Variants in GRID2 observed in about 807,000 individuals in gnomAD.
GRID2 encodes glutamate ionotropic receptor delta type subunit 2, also known as glutamate receptor ionotropic, delta-2.
In GRID2, 33 loss-of-function variants were observed where a neutral mutation model predicts 114.8. The observed-to-expected ratio is 0.29, with a 90% confidence interval of 0.22 to 0.38. The LOEUF (loss-of-function observed/expected upper bound fraction) is 0.38, where lower values mean the gene tolerates loss of function less well. Among genes scored for constraint, GRID2 ranks in the 10% least tolerant of loss-of-function variants. GRID2 has a pLI of 1.00. For missense variants in GRID2, 1,184 were observed against 1,257.7 expected, an observed-to-expected ratio of 0.94 and a Z score of 0.89; for synonymous variants, 505 against 449.9, an observed-to-expected ratio of 1.12 and a Z score of -1.55.
At position 92,463,626 on chromosome 4, in the gene GRID2, T is replaced by C. The variant is rs547754083; in HGVS notation, c.89-126505T>C. ...TTCACTGAAATTGTCAACAGTGATTTACAAAAATAAACTGAAGGGCACTGT... is the reference window on the plus strand; with the variant it reads ...TTCACTGAAATTGTCAACAGTGATTCACAAAAATAAACTGAAGGGCACTGT... On this transcript the variant is annotated intron_variant, in intron 1 of 15. Transcript: ENST00000282020. 3.3e-5 allele frequency among the ~76,000 whole-genome samples: 5 copies of C among 152,154 alleles called. No homozygotes were observed. The South Asian group carries it at 1.0e-3, about 32-fold the overall frequency.
At chr4:92,731,892 G>A (rs926857417) in intron 2 of GRID2, among the ~76,000 whole-genome samples, 6 of 151,896 alleles carry the variant, frequency 4.0e-5, no homozygotes, top group Admixed American at 3.3e-4. Context: ...ATTGAAAGGA[G>A]TGTTTGAAAT....
rs998023020 is a variant in GRID2, at chr4:92,950,620, C to A, written c.245-134375C>A. Among the ~76,000 whole-genome samples, 3 of 152,138 alleles carry A rather than the reference C, an allele frequency of 2.0e-5. No homozygotes were observed. In the East Asian group the frequency reaches 5.8e-4, roughly 29 times the overall value. On this transcript the variant is annotated intron_variant, in intron 2 of 15. Transcript: ENST00000282020. ...GTCACAGATAGTTCTTCATAGCATGCTTCTTCTCACAGTGGTACCAACGAA... is the reference window on the plus strand; with the variant it reads ...GTCACAGATAGTTCTTCATAGCATGATTCTTCTCACAGTGGTACCAACGAA...
rs148701472 is a variant in GRID2, at chr4:92,371,255, T to C, written c.88+66511T>C. On this transcript the variant is annotated intron_variant, in intron 1 of 15. Transcript: ENST00000282020. ...CAGAAGACATAGCTAAAATAATTTA[T>C]GAAGGAGGCTACACTAAACAAGAGA... Among the ~76,000 whole-genome samples the C allele has an allele frequency of 3.3e-5, 5 of 152,282 alleles. No individual in the cohort carries two copies. In the East Asian group the frequency reaches 9.7e-4, roughly 29 times the overall value.
intron 13 of GRID2, among the ~76,000 whole-genome samples, chr4:93,558,717 C>T (rs1490094989): frequency 1.3e-5 from 2 of 152,160 alleles, no homozygotes; most frequent in Non-Finnish European, 2.9e-5. Flanking sequence ...ACGAGGGAAT[C>T]CTCCCTGACT....
At chr4:93,735,852 T>C (rs10027650) in intron 14 of GRID2, among the ~76,000 whole-genome samples, 1 of 152,064 alleles carries the variant, frequency 6.6e-6, no homozygotes, top group Non-Finnish European at 1.5e-5. Context: ...TTCTGTTTTG[T>C]TATTGTTGAT....
At chr4:92,551,504 T>C (rs1201083249) in intron 1 of GRID2, among the ~76,000 whole-genome samples, 2 of 152,170 alleles carry the variant, frequency 1.3e-5, no homozygotes, top group African/African-American at 4.8e-5. Context: ...ATATCTGCCT[T>C]ATCTCAGAGA....
At chr4:92,593,224 GTAA>G (rs1728788110) in intron 2 of GRID2, among the ~76,000 whole-genome samples, 1 of 151,980 alleles carries the variant, frequency 6.6e-6, no homozygotes, top group African/African-American at 2.4e-5. Context: ...CATATAGATA[GTAA>G]TAATGACAAA....
chr4:93,342,777 TCTTAA>T (rs1173398652), intron 8 of GRID2, among the ~76,000 whole-genome samples: 7 of 152,202 alleles, frequency 4.6e-5, no homozygotes, highest in Non-Finnish European at 1.0e-4. Flanking sequence ...TATGTTTCCT[TCTTAA>T]CTTGTGTATT....
intron 10 of GRID2, among the ~76,000 whole-genome samples, chr4:93,424,036 A>G (rs1295900939): frequency 2.0e-5 from 3 of 152,134 alleles, no homozygotes; most frequent in Non-Finnish European, 4.4e-5. Context: ...TTAACTTACT[A>G]CATTCTATCT....
intron 1 of GRID2, among the ~76,000 whole-genome samples, chr4:92,528,122 A>G (rs922273561): frequency 1.8e-4 from 27 of 151,992 alleles, no homozygotes; most frequent in Non-Finnish European, 4.4e-5. Context: ...AGATAGCATC[A>G]TCAAAATTAC....
At chr4:93,423,691 T>G (rs1183376784) in intron 10 of GRID2, among the ~76,000 whole-genome samples, 1 of 152,176 alleles carries the variant, frequency 6.6e-6, no homozygotes, top group Admixed American at 6.5e-5. Context: ...TATTTTTCTT[T>G]GTTCTTTCAA....
At position 92,474,027 on chromosome 4, in the gene GRID2, G is replaced by C. The variant is rs188120394; in HGVS notation, c.89-116104G>C. The stretch of plus-strand genomic sequence containing the variant: ...GTGTACGTATGCGATGACAACAACT[G>C]AGAACTTAAGGTCTATTCTCTTAGC... On this transcript the variant is annotated intron_variant, in intron 1 of 15. Coordinates refer to ENST00000282020, the MANE Select transcript of GRID2 (RefSeq NM_001510.4). Among the ~76,000 whole-genome samples, 3 of 150,276 alleles carry C rather than the reference G, an allele frequency of 2.0e-5. No homozygotes were observed. In the East Asian group the frequency reaches 6.0e-4, roughly 30 times the overall value.
intron 2 of GRID2, among the ~76,000 whole-genome samples, chr4:92,839,616 G>A (rs1306797396): frequency 6.6e-6 from 1 of 151,668 alleles, no homozygotes; most frequent in Non-Finnish European, 1.5e-5. Flanking sequence ...TAATTTCCAT[G>A]TGTTTGTATA....
chr4:92,320,473 C>CT (rs1189855848), intron 1 of GRID2, among the ~76,000 whole-genome samples: 2 of 151,984 alleles, frequency 1.3e-5, no homozygotes, highest in Admixed American at 6.6e-5. Context: ...ATATTACCTA[C>CT]TTTTTTTTCT....
At chr4:92,822,340 A>G (rs990180534) in intron 2 of GRID2, 60 of 628,126 alleles carry the variant, frequency 9.6e-5, no homozygotes, top group Middle Eastern at 2.9e-4. Flanking sequence ...AGACAGTCAC[A>G]GTGTTCAGAT....
chr4:92,307,408 T>C (rs1725464277), intron 1 of GRID2, among the ~76,000 whole-genome samples: 3 of 152,098 alleles, frequency 2.0e-5, no homozygotes, highest in Admixed American at 2.0e-4. Context: ...AGCTGCAATA[T>C]GTAGTTCAGG....
At chr4:92,555,089 C>G (rs558215166) in intron 1 of GRID2, among the ~76,000 whole-genome samples, 2 of 152,180 alleles carry the variant, frequency 1.3e-5, no homozygotes, top group South Asian at 4.2e-4. Context: ...GTGAGAGTTG[C>G]ATGAGTTTGC....
At chr4:92,815,807 G>A (rs936717374) in intron 2 of GRID2, among the ~76,000 whole-genome samples, 5 of 148,998 alleles carry the variant, frequency 3.4e-5, no homozygotes, top group Non-Finnish European at 7.4e-5. Flanking sequence ...TGTAGTCCCA[G>A]CTACTTGGGA....
At chr4:92,443,081 G>A (rs1185263298) in intron 1 of GRID2, among the ~76,000 whole-genome samples, 2 of 152,120 alleles carry the variant, frequency 1.3e-5, no homozygotes, top group Non-Finnish European at 2.9e-5. Flanking sequence ...ACTCAGCGAG[G>A]CTTGGGGTTG....
Sources: gnomAD v4.1 joint callset for allele counts (sites outside exome capture counted in the v4.1 genomes callset) on GRCh38, gnomAD v4.1.1 for gene constraint, MANE v1.5 for transcripts, NCBI Gene and HGNC (gene_info 2026-07-23, HGNC 2026-07-21) for gene names.